Variants in MARCHF1 observed in about 807,000 individuals in gnomAD.
MARCHF1 encodes E3 ubiquitin-protein ligase MARCHF1.
In MARCHF1, 40 loss-of-function variants were observed where a neutral mutation model predicts 54.2. That is an observed-to-expected ratio of 0.74 (90% CI 0.57 to 0.96). The LOEUF is 0.96. MARCHF1 is among the 40% of genes least tolerant of loss of function. MARCHF1 has a pLI of 0.00. For synonymous variants in MARCHF1, 236 were observed against 236.3 expected (o/e 1.00, Z 0.01); for missense variants, 586 against 656.5 (o/e 0.89, Z 1.17).
At chr4:164,206,701 A>T (rs372686715) in intron 1 of MARCHF1, among the ~76,000 whole-genome samples, 4 of 152,266 alleles carry the variant, frequency 2.6e-5, no homozygotes, top group East Asian at 1.9e-4. Context: ...GTTTCAAGTA[A>T]AAAAGGAAGA....
rs556340966 is a variant in MARCHF1, at chr4:163,800,394, T to C, written c.111+53627A>G. The stretch of plus-strand genomic sequence containing the variant: ...CCTCATTTAAGTGGCACATGTGTTG[T>C]TCTTTCAACATTTTTTTGCTTTGCT... On this transcript the variant is annotated intron_variant, in intron 4 of 9. Coordinates refer to ENST00000514618, the MANE Select transcript of MARCHF1 (RefSeq NM_001394959.1). 1.0e-4 allele frequency among the ~76,000 whole-genome samples: 15 copies of C among 150,420 alleles called. No individual in the cohort carries two copies. The South Asian group carries it at 3.1e-3, about 31-fold the overall frequency.
Position 164,179,757 on chromosome 4 carries a change from C to A in MARCHF1, c.-322-68095G>T, listed in dbSNP as rs117281819. Reference sequence around the variant, plus strand: ...TTGTAGTTAATTACTCTCCATCTGGCAATATCTCTTTTTTAAAAAAGAAAA... The same window carrying A: ...TTGTAGTTAATTACTCTCCATCTGGAAATATCTCTTTTTTAAAAAAGAAAA... On this transcript the variant is annotated intron_variant, in intron 1 of 9. Transcript: ENST00000514618. Among the ~76,000 whole-genome samples, 149 of 151,698 alleles carry A rather than the reference C, an allele frequency of 9.8e-4. 4 individuals are homozygous for A. In the East Asian group the frequency reaches 0.026, roughly 27 times the overall value.
intron 7 of MARCHF1, among the ~76,000 whole-genome samples, chr4:163,589,551 C>G (rs1175274603): frequency 6.6e-6 from 1 of 151,948 alleles, no homozygotes; most frequent in Admixed American, 6.6e-5. Context: ...AGCTAAATAT[C>G]AACTTCAAAT....
chr4:164,042,938 A>T (rs1754159898), intron 2 of MARCHF1, among the ~76,000 whole-genome samples: 1 of 152,146 alleles, frequency 6.6e-6, no homozygotes, highest in Non-Finnish European at 1.5e-5. Context: ...AATAATCTCG[A>T]CTGTATTTCT....
intron 3 of MARCHF1, among the ~76,000 whole-genome samples, chr4:163,891,335 C>A (rs1276413745): frequency 3.3e-5 from 5 of 151,832 alleles, no homozygotes; most frequent in Non-Finnish European, 7.4e-5. Context: ...AGAGGAAAAT[C>A]CAGAATAAAA....
At chr4:163,966,009 T>G (rs1380453970) in intron 3 of MARCHF1, among the ~76,000 whole-genome samples, 1 of 152,082 alleles carries the variant, frequency 6.6e-6, no homozygotes, top group Admixed American at 6.6e-5. Context: ...TTATAAAATT[T>G]AAGTATTTTT....
intron 8 of MARCHF1, among the ~76,000 whole-genome samples, chr4:163,558,598 C>G (rs909130493): frequency 2.0e-5 from 3 of 152,190 alleles, no homozygotes; most frequent in African/African-American, 7.2e-5. Context: ...TAGAGAGAGT[C>G]TGCAGAAACA....
At chr4:163,828,802 A>T (rs1284259851) in intron 4 of MARCHF1, 3 of 152,204 alleles carry the variant, frequency 2.0e-5, no homozygotes, top group African/African-American at 7.2e-5. Flanking sequence ...GTGTAAGAAA[A>T]AGCAAGTTCA....
At chr4:163,672,605 T>C (rs116270372) in intron 5 of MARCHF1, among the ~76,000 whole-genome samples, 316 of 152,370 alleles carry the variant, frequency 2.1e-3, no homozygotes, top group African/African-American at 7.4e-3. Context: ...TGTCATATTT[T>C]ATTTAATAAA....
intron 3 of MARCHF1, among the ~76,000 whole-genome samples, chr4:163,975,763 A>G (rs1268539889): frequency 6.6e-6 from 1 of 152,216 alleles, no homozygotes; most frequent in African/African-American, 2.4e-5. Flanking sequence ...TGAGAATCAT[A>G]AGGGCCTTAG....
chr4:163,737,465 T>C (rs1289950486), intron 4 of MARCHF1, among the ~76,000 whole-genome samples: 2 of 75,768 alleles, frequency 2.6e-5, no homozygotes, highest in Non-Finnish European at 6.4e-5. Flanking sequence ...GAATATGCGG[T>C]GTTTGGTTTT....
intron 4 of MARCHF1, among the ~76,000 whole-genome samples, chr4:163,803,222 G>T (rs1390166559): frequency 6.6e-6 from 1 of 152,030 alleles, no homozygotes; most frequent in African/African-American, 2.4e-5. Context: ...TGTCCAGTCT[G>T]GAGTGTAATG....
At chr4:163,962,684 T>TA (rs1560838144) in intron 3 of MARCHF1, among the ~76,000 whole-genome samples, 1 of 151,952 alleles carries the variant, frequency 6.6e-6, no homozygotes, top group African/African-American at 2.4e-5. Context: ...TTTAAAACTT[T>TA]AGATACCGTA....
chr4:163,689,116 C>A (rs1744361607), intron 5 of MARCHF1, among the ~76,000 whole-genome samples: 1 of 152,136 alleles, frequency 6.6e-6, no homozygotes, highest in Non-Finnish European at 1.5e-5. Context: ...AAAACAACTT[C>A]CAACATTACC....
intron 1 of MARCHF1, chr4:164,190,261 T>C: frequency 9.4e-7 from 1 of 1,063,882 alleles, no homozygotes; most frequent in Non-Finnish European, 1.4e-6. Flanking sequence ...GTTCAGCCAC[T>C]TATCAGCAAA....
Position 163,659,602 on chromosome 4 carries a change from G to C in MARCHF1, c.162+41211C>G, listed in dbSNP as rs1743272395. 2.0e-5 allele frequency among the ~76,000 whole-genome samples: 3 copies of C among 151,858 alleles called. 1 individual carries two copies. Among genetic ancestry groups the C allele is most frequent in the South Asian group, 4.1e-4 (2 of 4,820 alleles). On this transcript the variant is annotated intron_variant, in intron 5 of 9. Transcript: ENST00000514618. ...TCTGCACAGCAAAGGAAACTATCATGAGACTGAACAGGCAACCTACAGAAT... is the reference window on the plus strand; with the variant it reads ...TCTGCACAGCAAAGGAAACTATCATCAGACTGAACAGGCAACCTACAGAAT...
At chr4:164,176,556 G>A (rs191682752) in intron 1 of MARCHF1, among the ~76,000 whole-genome samples, 89 of 152,124 alleles carry the variant, frequency 5.9e-4, no homozygotes, top group Middle Eastern at 3.4e-3. Flanking sequence ...TGACAAAAAC[G>A]ATACAGGAGT....
Position 163,527,678 on chromosome 4 carries a change from T to TCAA in MARCHF1, c.*1067_*1069dup, listed in dbSNP as rs536207966. ...AATGAATTAAACTGTTTTGAAATAC[T>TCAA]CAACAACTGTTAAATAAAGCAGAAG... is the stretch of plus-strand genomic sequence containing the variant. On this transcript the variant is annotated 3_prime_UTR_variant, in exon 10 of 10. Coordinates refer to ENST00000514618, the MANE Select transcript of MARCHF1 (RefSeq NM_001394959.1). 467 of 152,194 alleles carry TCAA rather than the reference T, an allele frequency of 3.1e-3. 2 individuals are homozygous for TCAA. The highest frequency in any genetic ancestry group is 0.01 in the African/African-American group (433 of 41,556). 9.4% of individuals were successfully genotyped at this position (152,194 alleles called of 1,614,324 possible). A position where few individuals can be genotyped will look rare whatever the true frequency, so the allele number is the denominator to read the frequency against.
intron 3 of MARCHF1, among the ~76,000 whole-genome samples, chr4:163,961,995 TTTAAAA>T (rs1461718218): frequency 3.0e-4 from 45 of 152,106 alleles, no homozygotes; most frequent in African/African-American, 1.0e-3. Flanking sequence ...TTGTTTTTAC[TTTAAAA>T]TTAAGAAACA....
Sources: allele counts gnomAD v4.1 joint callset (sites outside exome capture counted in the v4.1 genomes callset), GRCh38; gene constraint gnomAD v4.1.1; transcripts MANE v1.5; gene names NCBI Gene and HGNC (gene_info 2026-07-23, HGNC 2026-07-21).